COX7B2: variants seen among roughly 807,000 people sequenced by gnomAD.
COX7B2 encodes cytochrome c oxidase subunit 7B2.
For missense variants in COX7B2, 109 were observed against 95.9 expected (o/e 1.14, Z -0.57); for synonymous variants, 37 against 32.1 (o/e 1.15, Z -0.51).
At chr4:46,815,662 A>T (rs754423236) in intron 2 of COX7B2, among the ~76,000 whole-genome samples, 6 of 152,326 alleles carry the variant, frequency 3.9e-5, no homozygotes, top group South Asian at 4.1e-4. Context: ...TTAAAAAAAA[A>T]AGAGTATCAC....
intron 2 of COX7B2, among the ~76,000 whole-genome samples, chr4:46,785,512 A>T (rs928600059): frequency 1.2e-4 from 19 of 152,036 alleles, no homozygotes; most frequent in African/African-American, 4.6e-4. Flanking sequence ...AGCTGGGACT[A>T]CAGGCACCCG....
chr4:46,865,270 G>A (rs1717599038), intron 1 of COX7B2, among the ~76,000 whole-genome samples: 1 of 152,138 alleles, frequency 6.6e-6, no homozygotes, highest in Admixed American at 6.6e-5. Context: ...ACATGCTGTA[G>A]AAGACATTAT....
intron 1 of COX7B2, among the ~76,000 whole-genome samples, chr4:46,908,537 G>A (rs1391391095): frequency 6.6e-6 from 1 of 152,114 alleles, no homozygotes; most frequent in African/African-American, 2.4e-5. Flanking sequence ...ACCTAGACCA[G>A]TTCTGCCAGA....
intron 2 of COX7B2, among the ~76,000 whole-genome samples, chr4:46,817,732 A>C (rs1719629318): frequency 1.3e-5 from 2 of 152,218 alleles, no homozygotes; most frequent in East Asian, 3.8e-4. Context: ...ATGAAATTTA[A>C]AGAAAGCCAG....
At position 46,758,023 on chromosome 4, in the gene COX7B2, T is replaced by C. The variant is rs147815303; in HGVS notation, c.-49-22782A>G. ...TTTTATTTGCAGCTACAATACTTTATGGTAATTTCATTCTATAAGTATTCT... is the reference window on the plus strand; with the variant it reads ...TTTTATTTGCAGCTACAATACTTTACGGTAATTTCATTCTATAAGTATTCT... On this transcript the variant is annotated intron_variant, in intron 2 of 2. Transcript: ENST00000355591. Among the ~76,000 whole-genome samples the C allele has an allele frequency of 4.0e-3, 603 of 152,100 alleles. 4 individuals carry two copies. Among genetic ancestry groups the C allele is most frequent in the African/African-American group, 0.014 (565 of 41,496 alleles).
At chr4:46,808,715 T>C (rs1050274911) in intron 2 of COX7B2, among the ~76,000 whole-genome samples, 1 of 151,872 alleles carries the variant, frequency 6.6e-6, no homozygotes, top group Non-Finnish European at 1.5e-5. Context: ...TTTCTTTCTA[T>C]ACCTAAACTG....
rs148019897 is a variant in COX7B2 at position 46,808,291 on chromosome 4, G to A, written c.-50+36669C>T. On this transcript the variant is annotated intron_variant, in intron 2 of 2. Transcript: ENST00000355591. ...TTTTTTTCTTGATGCTATTGTAAAT[G>A]GAATTGTTTTCTTAGGGTCTTTTTT... is the stretch of plus-strand genomic sequence containing the variant. Among the ~76,000 whole-genome samples, 854 of 151,688 alleles carry A rather than the reference G, an allele frequency of 5.6e-3. 6 individuals carry two copies. Among genetic ancestry groups the A allele is most frequent in the African/African-American group, 0.02 (823 of 41,446 alleles).
At chr4:46,771,063 C>T (rs944637821) in intron 2 of COX7B2, among the ~76,000 whole-genome samples, 1 of 152,102 alleles carries the variant, frequency 6.6e-6, no homozygotes, top group Non-Finnish European at 1.5e-5. Flanking sequence ...CCAAACCATA[C>T]ATGATAAGGT....
At chr4:46,887,969 A>G (rs1719184414) in intron 1 of COX7B2, among the ~76,000 whole-genome samples, 1 of 152,036 alleles carries the variant, frequency 6.6e-6, no homozygotes, top group Non-Finnish European at 1.5e-5. Flanking sequence ...TAGGCTGCCA[A>G]CCCCTACTGA....
chr4:46,897,915 T>G (rs1244627900), intron 1 of COX7B2, among the ~76,000 whole-genome samples: 2 of 152,226 alleles, frequency 1.3e-5, no homozygotes, highest in Non-Finnish European at 2.9e-5. Context: ...CTTGACATTA[T>G]AATTTCCTCA....
chr4:46,791,431 T>C (rs1264568696), intron 2 of COX7B2, among the ~76,000 whole-genome samples: 2 of 152,230 alleles, frequency 1.3e-5, no homozygotes, highest in East Asian at 1.9e-4. Context: ...AGGTGAATCT[T>C]AACTCGCCTT....
intron 2 of COX7B2, among the ~76,000 whole-genome samples, chr4:46,741,075 T>A (rs1057086990): frequency 6.6e-6 from 1 of 152,050 alleles, no homozygotes; most frequent in Non-Finnish European, 1.5e-5. Flanking sequence ...AACAAAATAA[T>A]AACTGTATCC....
chr4:46,809,496 T>C (rs1719178777), intron 2 of COX7B2, among the ~76,000 whole-genome samples: 2 of 151,852 alleles, frequency 1.3e-5, no homozygotes, highest in South Asian at 4.1e-4. Context: ...CTCAAGATAT[T>C]TTTTTAAATT....
At chr4:46,748,231 T>C (rs1287786785) in intron 2 of COX7B2, among the ~76,000 whole-genome samples, 1 of 152,182 alleles carries the variant, frequency 6.6e-6, no homozygotes, top group Non-Finnish European at 1.5e-5. Flanking sequence ...TTACAACAAT[T>C]GTCACAAATT....
chr4:46,752,759 T>C (rs79908436), intron 2 of COX7B2, among the ~76,000 whole-genome samples: 1 of 152,150 alleles, frequency 6.6e-6, no homozygotes, highest in African/African-American at 2.4e-5. Flanking sequence ...TTGCATCCCA[T>C]GGATGAAGCC....
chr4:46,801,410 C>G (rs988044633), intron 2 of COX7B2, among the ~76,000 whole-genome samples: 1 of 151,992 alleles, frequency 6.6e-6, no homozygotes, highest in African/African-American at 2.4e-5. Context: ...AGAAAAAGAA[C>G]AACATCATGT....
chr4:46,809,306 A>C (rs1719165775), intron 2 of COX7B2, among the ~76,000 whole-genome samples: 1 of 151,496 alleles, frequency 6.6e-6, no homozygotes, highest in African/African-American at 2.4e-5. Flanking sequence ...TCTGATGTTT[A>C]TTATTGATTT....
chr4:46,832,213 T>G (rs1715183609), intron 2 of COX7B2, among the ~76,000 whole-genome samples: 1 of 152,132 alleles, frequency 6.6e-6, no homozygotes, highest in African/African-American at 2.4e-5. Context: ...CTTTATGAGC[T>G]GCAACACTCA....
chr4:46,760,699 T>C (rs574390887), intron 2 of COX7B2, among the ~76,000 whole-genome samples: 1 of 151,956 alleles, frequency 6.6e-6, no homozygotes, highest in Non-Finnish European at 1.5e-5. Context: ...CCAGAACTTA[T>C]AGTTAAAAAA....
Sources: gnomAD v4.1 joint callset for allele counts (sites outside exome capture counted in the v4.1 genomes callset) on GRCh38, gnomAD v4.1.1 for gene constraint, MANE v1.5 for transcripts, NCBI Gene and HGNC (gene_info 2026-07-23, HGNC 2026-07-21) for gene names.